MMP16: variants seen among roughly 807,000 people sequenced by gnomAD.
The protein encoded by MMP16 is matrix metallopeptidase 16.
MMP16 carries 12 observed loss-of-function variants against 67.8 expected under a neutral mutation model. The observed-to-expected ratio is 0.18, with a 90% CI of 0.11 to 0.29. The LOEUF is 0.29. Among genes scored for constraint, MMP16 ranks in the 10% least tolerant of loss-of-function variants. The probability of loss-of-function intolerance (pLI) is 1.00; values close to 1 mark genes in which losing one functional copy is unlikely to be tolerated. For synonymous variants in MMP16, 249 were observed against 255.9 expected (o/e 0.97, Z 0.26); for missense variants, 475 against 765.7 (o/e 0.62, Z 4.48).
At chr8:88,078,834 C>T (rs772155179) in intron 6 of MMP16, among the ~76,000 whole-genome samples, 1 of 152,194 alleles carries the variant, frequency 6.6e-6, no homozygotes, top group Non-Finnish European at 1.5e-5. Context: ...ACATTTCTAG[C>T]AGTCACCAGT....
rs1351949986 is a variant in MMP16 at position 88,223,267 on chromosome 8, T to C, written c.133-25961A>G. Among the ~76,000 whole-genome samples, 5 of 152,114 alleles carry C rather than the reference T, an allele frequency of 3.3e-5. 1 individual carries two copies. Among genetic ancestry groups the C allele is most frequent in the South Asian group, 2.1e-4 (1 of 4,832 alleles). On this transcript the variant is annotated intron_variant, in intron 1 of 9. Transcript: ENST00000286614. ...GTGGGAGTGTAAACTAGTTCAACCA[T>C]TGCGGAAGACAGTGTGGTGATTCCT...
intron 1 of MMP16, among the ~76,000 whole-genome samples, chr8:88,241,635 C>T (rs1431774787): frequency 1.3e-5 from 2 of 151,924 alleles, no homozygotes; most frequent in East Asian, 3.9e-4. Context: ...TATAAGTATA[C>T]ATTGTGGAAT....
intron 6 of MMP16, among the ~76,000 whole-genome samples, chr8:88,097,579 T>A (rs1809050291): frequency 7.8e-6 from 1 of 127,402 alleles, no homozygotes; most frequent in Non-Finnish European, 1.5e-5. Flanking sequence ...TGAGCCATGA[T>A]CACACCACTG....
At chr8:88,135,707 AAC>A (rs1808107372) in intron 4 of MMP16, among the ~76,000 whole-genome samples, 2 of 151,954 alleles carry the variant, frequency 1.3e-5, no homozygotes, top group Non-Finnish European at 2.9e-5. Flanking sequence ...TAACAAACCA[AAC>A]ACAAACAAAA....
At chr8:88,083,410 C>T (rs931461062) in intron 6 of MMP16, among the ~76,000 whole-genome samples, 11 of 151,756 alleles carry the variant, frequency 7.2e-5, no homozygotes, top group Admixed American at 5.3e-4. Context: ...GGAACAATTG[C>T]GACAAAGCAA....
intron 2 of MMP16, among the ~76,000 whole-genome samples, chr8:88,192,351 A>G (rs2129769593): frequency 6.6e-6 from 1 of 152,278 alleles, no homozygotes; most frequent in Non-Finnish European, 1.5e-5. Context: ...AAGTTAAAGT[A>G]CCTAAATACC....
intron 3 of MMP16, among the ~76,000 whole-genome samples, chr8:88,177,173 C>T (rs1290083042): frequency 6.6e-6 from 1 of 152,118 alleles, no homozygotes; most frequent in East Asian, 1.9e-4. Flanking sequence ...AGGTTATACA[C>T]TTGAACTGCT....
intron 1 of MMP16, among the ~76,000 whole-genome samples, chr8:88,247,451 G>A (rs1197481744): frequency 6.6e-6 from 1 of 152,050 alleles, no homozygotes; most frequent in Non-Finnish European, 1.5e-5. Flanking sequence ...GAGGAAACAC[G>A]TGGCACGTTC....
At chr8:88,292,389 C>T (rs1810939220) in intron 1 of MMP16, among the ~76,000 whole-genome samples, 1 of 152,180 alleles carries the variant, frequency 6.6e-6, no homozygotes, top group African/African-American at 2.4e-5. Flanking sequence ...AGAGAGTTCA[C>T]AGTAGCCTGA....
intron 2 of MMP16, among the ~76,000 whole-genome samples, chr8:88,187,034 C>A (rs984702748): frequency 1.3e-5 from 2 of 152,200 alleles, no homozygotes; most frequent in African/African-American, 4.8e-5. Context: ...GTTTAAATGC[C>A]AGGATTCAAG....
At chr8:88,276,325 T>G (rs1164473371) in intron 1 of MMP16, among the ~76,000 whole-genome samples, 1 of 152,156 alleles carries the variant, frequency 6.6e-6, no homozygotes, top group Non-Finnish European at 1.5e-5. Flanking sequence ...TGCACGTGTT[T>G]TAATATTCTG....
intron 4 of MMP16, among the ~76,000 whole-genome samples, chr8:88,165,971 A>G (rs540674130): frequency 5.9e-5 from 9 of 152,184 alleles, no homozygotes; most frequent in Non-Finnish European, 7.4e-5. Context: ...AACTATTAAT[A>G]ACCATTTGAA....
At chr8:88,227,472 A>G (rs1254110173) in intron 1 of MMP16, among the ~76,000 whole-genome samples, 1 of 152,092 alleles carries the variant, frequency 6.6e-6, no homozygotes, top group East Asian at 1.9e-4. Context: ...CAGGAAGCCA[A>G]AATAACCCTG....
chr8:88,304,027 TG>T (rs1267088909), intron 1 of MMP16, among the ~76,000 whole-genome samples: 1 of 149,014 alleles, frequency 6.7e-6, no homozygotes, highest in Non-Finnish European at 1.5e-5. Flanking sequence ...TGTAACCCAA[TG>T]AAAAGAAACT....
rs976026614 is a variant in MMP16, at chr8:88,193,260, G to A, written c.281+3898C>T. On this transcript the variant is annotated intron_variant, in intron 2 of 9. Transcript: ENST00000286614. The stretch of plus-strand genomic sequence containing the variant: ...AATCCTGTAATTTGCAGCAACGTGG[G>A]ATAGAATTGGAAGACATTATGTTAA... Among the ~76,000 whole-genome samples the A allele has an allele frequency of 2.0e-5, 3 of 152,230 alleles. 1 individual carries two copies.
intron 4 of MMP16, among the ~76,000 whole-genome samples, chr8:88,137,490 T>A (rs1405429338): frequency 1.3e-5 from 2 of 152,024 alleles, no homozygotes; most frequent in Non-Finnish European, 2.9e-5. Flanking sequence ...GTGCCTTCAT[T>A]TTTTTGCCTC....
intron 6 of MMP16, among the ~76,000 whole-genome samples, chr8:88,088,375 T>C (rs1247902269): frequency 3.3e-5 from 5 of 151,944 alleles, no homozygotes; most frequent in Admixed American, 2.0e-4. Flanking sequence ...CAGGAGGGAA[T>C]GTGCCATAGG....
chr8:88,159,775 A>G (rs934227598), intron 4 of MMP16, among the ~76,000 whole-genome samples: 3 of 152,090 alleles, frequency 2.0e-5, no homozygotes, highest in Admixed American at 1.3e-4. Flanking sequence ...GGTTTCTCAT[A>G]AAAAGCTCTT....
rs1247135800 is a variant in MMP16 at position 88,033,976 on chromosome 8, A to C, written c.*7485T>G. 6.6e-6 allele frequency: 1 copy of C among 152,008 alleles called. No individual in the cohort carries two copies. Among genetic ancestry groups the C allele is most frequent in the East Asian group, 1.9e-4 (1 of 5,192 alleles). The allele number at this position is 152,008 out of a possible 1,614,324, so 9.4% of individuals were successfully genotyped here. On this transcript the variant is annotated 3_prime_UTR_variant, in exon 10 of 10. Coordinates refer to ENST00000286614, the MANE Select transcript of MMP16 (RefSeq NM_005941.5). ...TAATTATTTAAGATACATTCTCCAA[A>C]AGCAAATTTCCTTAGCTATCCTATC...
Sources: gnomAD v4.1 joint callset for allele counts (sites outside exome capture counted in the v4.1 genomes callset) on GRCh38, gnomAD v4.1.1 for gene constraint, MANE v1.5 for transcripts, NCBI Gene and HGNC (gene_info 2026-07-23, HGNC 2026-07-21) for gene names.